CDH18: variants seen among roughly 807,000 people sequenced by gnomAD.
CDH18 encodes cadherin 18, also known as cadherin-18.
In CDH18, 31 loss-of-function variants were observed where a neutral mutation model predicts 67.9. The observed-to-expected ratio is 0.46, with a 90% CI of 0.34 to 0.62. The LOEUF (loss-of-function observed/expected upper bound fraction) is 0.62. Ranked by LOEUF, CDH18 falls within the 20% of genes least tolerant of loss-of-function variation. The pLI is 0.01. For synonymous variants in CDH18, 362 were observed against 347.2 expected, an observed-to-expected ratio of 1.04 and a Z score of -0.48; for missense variants, 890 against 975.5, an observed-to-expected ratio of 0.91 and a Z score of 1.17.
At chr5:20,087,507 G>A (rs915965396) in intron 2 of CDH18, among the ~76,000 whole-genome samples, 1 of 151,046 alleles carries the variant, frequency 6.6e-6, no homozygotes, top group Non-Finnish European at 1.5e-5. Flanking sequence ...GTCAGCAAAT[G>A]TCATTGTTGT....
At chr5:19,548,710 A>C (rs1736773372) in intron 8 of CDH18, among the ~76,000 whole-genome samples, 3 of 152,026 alleles carry the variant, frequency 2.0e-5, no homozygotes, top group South Asian at 4.1e-4. Context: ...ACAGTGCAAC[A>C]GATTAAAATA....
At chr5:20,570,129 T>G (rs1758732072) in intron 1 of CDH18, among the ~76,000 whole-genome samples, 1 of 152,182 alleles carries the variant, frequency 6.6e-6, no homozygotes, top group African/African-American at 2.4e-5. Flanking sequence ...TTTGTCAAAA[T>G]TTATATAATA....
At chr5:19,704,642 T>C (rs1763710689) in intron 5 of CDH18, among the ~76,000 whole-genome samples, 1 of 152,154 alleles carries the variant, frequency 6.6e-6, no homozygotes, top group African/African-American at 2.4e-5. Context: ...CCAGAACCTA[T>C]ACCTTAAAAT....
chr5:20,451,153 A>C (rs1240073925), intron 1 of CDH18, among the ~76,000 whole-genome samples: 1 of 152,342 alleles, frequency 6.6e-6, no homozygotes, highest in East Asian at 1.9e-4. Context: ...TTCTAATAGT[A>C]ACATTTCTTA....
At chr5:20,333,259 A>T (rs1739352811) in intron 1 of CDH18, among the ~76,000 whole-genome samples, 1 of 152,054 alleles carries the variant, frequency 6.6e-6, no homozygotes, top group Admixed American at 6.6e-5. Flanking sequence ...CTGTAATCCC[A>T]GCACTTTGGG....
chr5:20,533,963 T>C (rs1254603981), intron 1 of CDH18, among the ~76,000 whole-genome samples: 4 of 152,032 alleles, frequency 2.6e-5, no homozygotes, highest in African/African-American at 9.7e-5. Flanking sequence ...CCAAAAGCTT[T>C]TGGGGTCCTA....
rs569267715 is a variant in CDH18 at position 19,657,127 on chromosome 5, G to T, written c.644-44526C>A. Among the ~76,000 whole-genome samples, 128 of 152,098 alleles carry T rather than the reference G, an allele frequency of 8.4e-4. 1 individual carries two copies. Among genetic ancestry groups the T allele is most frequent in the Non-Finnish European group, 1.7e-3 (113 of 67,964 alleles). The stretch of plus-strand genomic sequence containing the variant: ...TTGTAACATTTATAAAATCTAATCA[G>T]AATCTAGTTAATTAAACTTGTACTC... On this transcript the variant is annotated intron_variant, in intron 5 of 12. Transcript: ENST00000382275.
At chr5:20,243,838 T>C (rs148949986) in intron 2 of CDH18, among the ~76,000 whole-genome samples, 1,586 of 152,212 alleles carry the variant, frequency 0.01, 22 homozygotes, top group South Asian at 0.03. Flanking sequence ...GCTCAAGGAT[T>C]GGCACTTGGG....
At chr5:19,697,238 G>A (rs188976873) in intron 5 of CDH18, among the ~76,000 whole-genome samples, 1 of 152,246 alleles carries the variant, frequency 6.6e-6, no homozygotes, top group East Asian at 1.9e-4. Context: ...AATTGCTGCA[G>A]GTGATTCTCT....
chr5:20,096,162 G>A (rs1185864659), intron 2 of CDH18, among the ~76,000 whole-genome samples: 1 of 152,090 alleles, frequency 6.6e-6, no homozygotes, highest in Admixed American at 6.6e-5. Context: ...TATGCCAGTT[G>A]AAAACCACAC....
chr5:20,043,257 C>T (rs940609061), intron 2 of CDH18, among the ~76,000 whole-genome samples: 1 of 152,148 alleles, frequency 6.6e-6, no homozygotes, highest in African/African-American at 2.4e-5. Flanking sequence ...AAAGCCACCG[C>T]AGACTGCATC....
intron 3 of CDH18, among the ~76,000 whole-genome samples, chr5:19,805,356 C>T (rs1777930638): frequency 6.6e-6 from 1 of 152,170 alleles, no homozygotes; most frequent in South Asian, 2.1e-4. Context: ...CCACTTGATT[C>T]TACGCCCTCT....
intron 1 of CDH18, among the ~76,000 whole-genome samples, chr5:20,329,560 C>T (rs1031396599): frequency 6.6e-6 from 1 of 151,734 alleles, no homozygotes; most frequent in South Asian, 2.1e-4. Flanking sequence ...GTCAGGAGTT[C>T]GAGACCAGCC....
At chr5:20,278,641 T>C (rs1323495271) in intron 1 of CDH18, among the ~76,000 whole-genome samples, 2 of 152,142 alleles carry the variant, frequency 1.3e-5, no homozygotes, top group African/African-American at 4.8e-5. Context: ...GTGTAAACTA[T>C]TTATAACTTC....
rs776806524 is a variant in CDH18 at position 19,591,160 on chromosome 5, G to A, written c.896C>T (p.Ser299Leu). Residue 299 changes from serine (S) to leucine (L), a missense_variant, in exon 7 of 13, where the codon TCA becomes TTA. Physicochemically the swap from Ser to Leu is moderately radical, Grantham distance 145. Transcript: ENST00000382275. ...KIKANDADTG[S>L]NADMTYSIIN... ...GATGGAGTAGGTCATGTCAGCATTT[G>A]AGCCAGTGTCAGCATCATTTGCCTT... is the stretch of plus-strand genomic sequence containing the variant. The A allele has an allele frequency of 2.5e-6, 4 of 1,612,666 alleles. No homozygotes were observed. In the South Asian group the frequency reaches 3.3e-5, roughly 13 times the overall value.
chr5:20,302,555 G>C (rs1305359046), intron 1 of CDH18, among the ~76,000 whole-genome samples: 3 of 152,092 alleles, frequency 2.0e-5, no homozygotes, highest in African/African-American at 7.2e-5. Flanking sequence ...ACTGAAAGTC[G>C]AGCAAGAACC....
intron 8 of CDH18, among the ~76,000 whole-genome samples, chr5:19,566,594 T>C (rs1156845505): frequency 6.6e-6 from 1 of 152,132 alleles, no homozygotes; most frequent in Non-Finnish European, 1.5e-5. Flanking sequence ...CCATCATATC[T>C]TGTGAGACTT....
At chr5:20,406,928 C>T (rs982585806) in intron 1 of CDH18, among the ~76,000 whole-genome samples, 6 of 152,220 alleles carry the variant, frequency 3.9e-5, no homozygotes, top group South Asian at 2.1e-4. Flanking sequence ...TAATCCTATC[C>T]GTGGTGCAGC....
Position 19,607,676 on chromosome 5 carries a change from G to T in CDH18, c.811+4758C>A, listed in dbSNP as rs116621584. Among the ~76,000 whole-genome samples the T allele has an allele frequency of 7.8e-3, 1,174 of 151,262 alleles. 13 individuals are homozygous for T. The highest frequency in any genetic ancestry group is 0.027 in the African/African-American group (1,126 of 41,418). ...GTGTAGTAAATCAACAAAAGCAAGA[G>T]AAATTATAATGTCATTTTAAACTAA... is the stretch of plus-strand genomic sequence containing the variant. On this transcript the variant is annotated intron_variant, in intron 6 of 12. Coordinates refer to ENST00000382275, the MANE Select transcript of CDH18 (RefSeq NM_004934.5).
Sources: gnomAD v4.1 joint callset for allele counts (sites outside exome capture counted in the v4.1 genomes callset) on GRCh38, gnomAD v4.1.1 for gene constraint, MANE v1.5 for transcripts, NCBI Gene and HGNC (gene_info 2026-07-23, HGNC 2026-07-21) for gene names.